Variants in GGA3 observed in about 807,000 individuals in gnomAD.
The protein encoded by GGA3 is golgi associated, gamma adaptin ear containing, ARF binding protein 3, also known as ADP-ribosylation factor-binding protein GGA3.
Under a neutral mutation model 77.5 loss-of-function variants are expected in GGA3, and 57 were observed. The ratio of observed to expected loss-of-function variants is 0.74; its 90% CI spans 0.59 to 0.92. The LOEUF (loss-of-function observed/expected upper bound fraction) is 0.92. Among genes scored for constraint, GGA3 ranks in the 40% least tolerant of loss-of-function variants. GGA3 has a pLI of 0.00. For missense variants in GGA3, 970 were observed against 914.9 expected, an observed-to-expected ratio of 1.06 and a Z score of -0.78; for synonymous variants, 416 against 383.7, an observed-to-expected ratio of 1.08 and a Z score of -0.98.
upstream of GGA3, chr17:75,262,293 G>A: frequency 1.5e-6 from 1 of 674,846 alleles, no homozygotes; most frequent in Non-Finnish European, 2.5e-6. Flanking sequence ...GTTAGCACTT[G>A]ACCAGGAGGA....
chr17:75,240,962 G>C lies in GGA3; in HGVS notation c.1042C>G (p.Pro348Ala), dbSNP rs571601010. 3.7e-5 allele frequency: 60 copies of C among 1,614,142 alleles called. No individual in the cohort carries two copies. In the South Asian group the frequency reaches 5.4e-4, roughly 14 times the overall value. ...LSSVLAPAPT[P>A]PSSGIPILPP... ...AGGATTGGGATGCCTGAGGAGGGTGGAGTAGGTGCTGGGGCCAACACGGAG... is the reference window on the plus strand; with the variant it reads ...AGGATTGGGATGCCTGAGGAGGGTGCAGTAGGTGCTGGGGCCAACACGGAG... The change falls in exon 11 of 17, where the codon CCA (proline) becomes GCA (alanine). Residue 348 changes from proline to alanine, a missense_variant. By Grantham distance (27) the Pro-to-Ala change is conservative (BLOSUM62 -1). Transcript: ENST00000537686.
chr17:75,261,056 C>T (rs2077349594), intron 1 of GGA3, among the ~76,000 whole-genome samples: 1 of 152,224 alleles, frequency 6.6e-6, no homozygotes, highest in South Asian at 2.1e-4. Flanking sequence ...CTGAGCGAAG[C>T]CGTCACTTCT....
At chr17:75,259,221 T>G (rs1288547266) in intron 1 of GGA3, among the ~76,000 whole-genome samples, 1 of 152,190 alleles carries the variant, frequency 6.6e-6, no homozygotes, top group African/African-American at 2.4e-5. Flanking sequence ...CCCAACGTGC[T>G]GGGATTACAG....
chr17:75,249,884 C>T (rs2145557901), intron 1 of GGA3, among the ~76,000 whole-genome samples: 1 of 152,326 alleles, frequency 6.6e-6, no homozygotes, highest in East Asian at 1.9e-4. Flanking sequence ...CTTCCAAGAA[C>T]ACTCCTGCCC....
At position 75,246,571 on chromosome 17, in the gene GGA3, C is replaced by A; in HGVS notation, c.139G>T (p.Val47Phe). 3 of 1,613,790 alleles carry A rather than the reference C, an allele frequency of 1.9e-6. No individual in the cohort carries two copies. The highest frequency in any genetic ancestry group is 4.5e-5 in the East Asian group (2 of 44,878). ...NKELEGPQIAVRLLAHKIQSP... is the reference protein window; with the variant it reads ...NKELEGPQIAFRLLAHKIQSP... ...TGGATCTTGTGGGCCAGCAGTCGGA[C>A]GGCGATCTGTGGCCTGGGGGACAAG... The change falls in exon 3 of 17, where the codon GTC (valine) becomes TTC (phenylalanine). Residue 47 changes from valine (V) to phenylalanine (F), a missense_variant. Transcript: ENST00000537686.
Position 75,242,335 on chromosome 17 carries a change from C to A in GGA3, c.747+1G>T. On this transcript the variant is annotated splice_donor_variant, in intron 8 of 16. Transcript: ENST00000537686. LOFTEE classifies it high-confidence loss of function. ...GCAGCCTTTGCCGTCGGCGGTCCCA[C>A]CTTCATCAGCTCTCTGTCCCCGTCC... 6.2e-7 allele frequency: 1 copy of A among 1,614,218 alleles called. No individual in the cohort carries two copies. Among genetic ancestry groups the A allele is most frequent in the Non-Finnish European group, 8.5e-7 (1 of 1,180,032 alleles).
At chr17:75,253,713 C>T (rs1015141302) in intron 1 of GGA3, among the ~76,000 whole-genome samples, 1 of 152,228 alleles carries the variant, frequency 6.6e-6, no homozygotes, top group Non-Finnish European at 1.5e-5. Flanking sequence ...TATTTCCACA[C>T]CCTGACCCCT....
In GGA3 at chr17:75,240,342, C is replaced by T. The variant is rs1411091994; in HGVS notation, c.1263G>A (p.Gln421=). 1.3e-6 allele frequency: 2 copies of T among 1,588,460 alleles called. No homozygotes were observed. The highest frequency in any genetic ancestry group is 2.3e-5 in the South Asian group (2 of 87,180). ...SAGNSQWHLL[Q]REQSDLDFFS... Reference sequence around the variant, plus strand: ...GCTGTCACCGATCCTGTGCCCCTACCTGGAGCAGGTGCCACTGGCTGTTCC... The same window carrying T: ...GCTGTCACCGATCCTGTGCCCCTACTTGGAGCAGGTGCCACTGGCTGTTCC... Residue 421 remains glutamine (Q), a splice_region_variant and synonymous_variant, in exon 12 of 17, where the codon CAG becomes CAA. Coordinates refer to ENST00000537686, the MANE Select transcript of GGA3 (RefSeq NM_138619.4).
chr17:75,241,769 G>T, intron 8 of GGA3, 73 bp from the exon 9 acceptor site: 3 of 1,328,752 alleles, frequency 2.3e-6, no homozygotes, highest in Non-Finnish European at 3.3e-6. Context: ...CAGGGTTCAT[G>T]CCCAGAAAAT....
chr17:75,248,154 T>C (rs529787351), intron 1 of GGA3, among the ~76,000 whole-genome samples: 1 of 152,318 alleles, frequency 6.6e-6, no homozygotes, highest in African/African-American at 2.4e-5. Context: ...TTTCTCATAA[T>C]TGTATTTTGT....
intron 1 of GGA3, among the ~76,000 whole-genome samples, chr17:75,255,587 A>G (rs1454998023): frequency 6.6e-6 from 1 of 152,232 alleles, no homozygotes; most frequent in African/African-American, 2.4e-5. Context: ...ATGCTTTGAA[A>G]GGAGTAAAGC....
At position 75,248,821 on chromosome 17, in the gene GGA3, CA is replaced by C. The variant is rs58068036; in HGVS notation, c.41-2026del. ...AAAAACAAAAACAAAAAAAACAAAACAAAAAAAAAAAAACTCACCAGCTGGA... is the reference window on the plus strand; with the variant it reads ...AAAAACAAAAACAAAAAAAACAAAACAAAAAAAAAAAACTCACCAGCTGGA... On this transcript the variant is annotated intron_variant, in intron 1 of 16. Transcript: ENST00000537686. 5,333 of 850,892 alleles carry C rather than the reference CA, an allele frequency of 6.3e-3. 61 individuals carry two copies. The highest frequency in any genetic ancestry group is 0.027 in the East Asian group (211 of 7,864). The allele number at this position is 850,892 out of a possible 1,614,324, so 52.7% of individuals were successfully genotyped here.
chr17:75,243,418 C>G, intron 5 of GGA3, 29 bp downstream of exon 5: 1 of 1,613,616 alleles, frequency 6.2e-7, no homozygotes, highest in Non-Finnish European at 8.5e-7. Flanking sequence ...CGAGGGCTGC[C>G]TGGAGGCTGC....
rs750670997 is a variant in GGA3, at chr17:75,238,494, G to A, written c.2062-105C>T. The A allele has an allele frequency of 6.4e-5, 69 of 1,083,424 alleles. No individual in the cohort carries two copies. In the East Asian group the frequency reaches 9.4e-4, roughly 15 times the overall value. 67.1% of individuals were successfully genotyped at this position (1,083,424 alleles called of 1,614,324 possible). A position where few individuals can be genotyped will look rare whatever the true frequency, so the allele number is the denominator to read the frequency against. Reference sequence around the variant, plus strand: ...GCTAGAGGAATGGTCCCTTTTCCCCGCAACCCCCAACCATGCTCAGACACT... The same window carrying A: ...GCTAGAGGAATGGTCCCTTTTCCCCACAACCCCCAACCATGCTCAGACACT... On this transcript the variant is annotated intron_variant, in intron 16 of 16. Coordinates refer to ENST00000537686, the MANE Select transcript of GGA3 (RefSeq NM_138619.4).
At chr17:75,259,365 A>G (rs2077267288) in intron 1 of GGA3, among the ~76,000 whole-genome samples, 1 of 152,194 alleles carries the variant, frequency 6.6e-6, no homozygotes, top group African/African-American at 2.4e-5. Flanking sequence ...GTGGGACTTG[A>G]AAGAAGACTG....
intron 1 of GGA3, among the ~76,000 whole-genome samples, chr17:75,258,686 AAAAT>A (rs2077238656): frequency 6.6e-6 from 1 of 152,096 alleles, no homozygotes; most frequent in Non-Finnish European, 1.5e-5. Context: ...ATAAATAAAT[AAAAT>A]AAACTTCTTG....
chr17:75,244,638 A>T lies in GGA3; in HGVS notation c.281T>A (p.Ile94Asn). ...ACTGACCTTTGGAGAGACGACTTTG[A>T]TTAACTCATTCAAAAAGCGGAACTT... Reference protein sequence around the residue: ...VGKFRFLNELIKVVSPKYLGD... With the variant: ...VGKFRFLNELNKVVSPKYLGD... Residue 94 changes from isoleucine (I) to asparagine (N), a missense_variant, in exon 4 of 17, where the codon ATC (isoleucine) becomes AAC (asparagine). Ile to Asn is a moderately radical substitution (Grantham distance 149, BLOSUM62 -3). Transcript: ENST00000537686. The T allele has an allele frequency of 4.3e-6, 7 of 1,612,070 alleles. No individual in the cohort carries two copies. The highest frequency in any genetic ancestry group is 5.9e-6 in the Non-Finnish European group (7 of 1,178,124).
At chr17:75,239,243 G>A in intron 14 of GGA3, 132 bp downstream of exon 14, 4 of 958,964 alleles carry the variant, frequency 4.2e-6, no homozygotes, top group Non-Finnish European at 6.2e-6. Context: ...GACTGAGAAT[G>A]CAGGCAGGGA....
rs1447224399 is a variant in GGA3 at position 75,242,432 on chromosome 17, C to T, written c.651G>A (p.Thr217=). The T allele has an allele frequency of 5.0e-6, 8 of 1,614,154 alleles. No homozygotes were observed. The East Asian group carries it at 6.7e-5, about 13-fold the overall frequency. Residue 217 remains threonine, a synonymous_variant, in exon 8 of 17, where the codon ACG becomes ACA. Transcript: ENST00000537686. Reference sequence around the variant, plus strand: ...TCACGTTGTTGTTAACTTCCTCTAACGTGTGCAGACGCTTGGTCACCTTCT... The same window carrying T: ...TCACGTTGTTGTTAACTTCCTCTAATGTGTGCAGACGCTTGGTCACCTTCT... ...RIQKVTKRLH[T]LEEVNNNVRL...
Sources: gnomAD v4.1 joint callset for allele counts (sites outside exome capture counted in the v4.1 genomes callset) on GRCh38, gnomAD v4.1.1 for gene constraint, MANE v1.5 for transcripts, NCBI Gene and HGNC (gene_info 2026-07-23, HGNC 2026-07-21) for gene names.